AIPL1: variants seen among roughly 807,000 people sequenced by gnomAD.
AIPL1 encodes the protein AIP like 1 HSP90 co-chaperone, also known as aryl-hydrocarbon-interacting protein-like 1.
A neutral mutation model predicts 32.9 loss-of-function variants in AIPL1; 23 were observed. The ratio of observed to expected loss-of-function variants is 0.70; its 90% CI spans 0.50 to 0.99. The LOEUF (loss-of-function observed/expected upper bound fraction) is 0.99, where lower values mean the gene tolerates loss of function less well. Ranked by LOEUF, AIPL1 falls within the 50% of genes least tolerant of loss-of-function variation. The probability of loss-of-function intolerance (pLI) is 0.00; values close to 1 mark genes in which losing one functional copy is unlikely to be tolerated. For missense variants in AIPL1, 485 were observed against 506.0 expected (o/e 0.96, Z 0.40); for synonymous variants, 210 against 209.4 (o/e 1.00, Z -0.02).
Position 6,425,921 on chromosome 17 carries a change from C to G in AIPL1, c.785-91G>C, listed in dbSNP as rs1996153. ...CTGGGACTCACCAGCCTCCAAGACC[C>G]TCAGCCCCGCCATGATCCTTAACCT... is the stretch of plus-strand genomic sequence containing the variant. On this transcript the variant is annotated intron_variant, in intron 5 of 5. Coordinates refer to ENST00000381129, the MANE Select transcript of AIPL1 (RefSeq NM_014336.5). The G allele has an allele frequency of 1.5e-3, 2,205 of 1,495,938 alleles. 33 individuals are homozygous for G. In the African/African-American group the frequency reaches 0.028, roughly 19 times the overall value. The allele number at this position is 1,495,938 out of a possible 1,614,324, so 92.7% of individuals were successfully genotyped here. A position where few individuals can be genotyped will look rare whatever the true frequency, so the allele number is the denominator to read the frequency against.
Position 6,425,367 on chromosome 17 carries a change from A to G in AIPL1, c.*93T>C, listed in dbSNP as rs2150673402. 6 of 1,418,544 alleles carry G rather than the reference A, an allele frequency of 4.2e-6. No individual in the cohort carries two copies. In the South Asian group the frequency reaches 9.5e-5, roughly 22 times the overall value. The allele number at this position is 1,418,544 out of a possible 1,614,324, so 87.9% of individuals were successfully genotyped here. On this transcript the variant is annotated 3_prime_UTR_variant, in exon 6 of 6. Transcript: ENST00000381129. ...CTTTGATTTCAAAAATTAATTTTAA[A>G]TTTTAAAAAGTGACACCACGATCCT...
chr17:6,427,418 G>A (rs1421275616), intron 3 of AIPL1, among the ~76,000 whole-genome samples: 1 of 152,262 alleles, frequency 6.6e-6, no homozygotes, highest in African/African-American at 2.4e-5. Flanking sequence ...GGTGCACCTT[G>A]TGCAGTGCAC....
chr17:6,430,437 C>T (rs961889322), intron 2 of AIPL1, among the ~76,000 whole-genome samples: 2 of 102,974 alleles, frequency 1.9e-5, no homozygotes, highest in African/African-American at 7.7e-5. Flanking sequence ...GCCTGGGCAA[C>T]AAGAGCGAAA....
rs1193746471 is a variant in AIPL1 at position 6,423,887 on chromosome 17, G to A, written c.*1573C>T. On this transcript the variant is annotated 3_prime_UTR_variant, in exon 6 of 6. Transcript: ENST00000381129. ...AGTACATCAGAACTTTAGGGATACA[G>A]TTAGCGCTGGGGGAACCCCTGCTGG... 1 of 152,284 alleles carries A rather than the reference G, an allele frequency of 6.6e-6. No homozygotes were observed. Among genetic ancestry groups the A allele is most frequent in the African/African-American group, 2.4e-5 (1 of 41,470 alleles). 9.4% of individuals were successfully genotyped at this position (152,284 alleles called of 1,614,324 possible).
rs374255033 is a variant in AIPL1, at chr17:6,426,976, C to T, written c.547G>A (p.Gly183Arg). Reference sequence around the variant, plus strand: ...AGCTTGAAGAGCCGATTTCCCTCTCCGTGGAGGACGGGCACCGCCTTCATC... The same window carrying T: ...AGCTTGAAGAGCCGATTTCCCTCTCTGTGGAGGACGGGCACCGCCTTCATC... The part of the protein sequence containing the change: ...EKMKAVPVLH[G>R]EGNRLFKLGR... Residue 183 changes from glycine (G) to arginine (R), a missense_variant, in exon 4 of 6, where the codon GGA becomes AGA. Gly to Arg is a moderately radical substitution (Grantham distance 125). Coordinates refer to ENST00000381129, the MANE Select transcript of AIPL1 (RefSeq NM_014336.5). The T allele has an allele frequency of 2.0e-5, 32 of 1,614,212 alleles. No individual in the cohort carries two copies. Among genetic ancestry groups the T allele is most frequent in the Non-Finnish European group, 2.6e-5 (31 of 1,180,038 alleles).
At chr17:6,428,639 T>A in intron 2 of AIPL1, 133 bp from the exon 3 acceptor site, 1 of 835,594 alleles carries the variant, frequency 1.2e-6, no homozygotes, top group Non-Finnish European at 2.0e-6. Context: ...TAACTGTGGT[T>A]AACTGTGTGC....
rs1329079300 is a variant in AIPL1, at chr17:6,425,660, C to T, written c.955G>A (p.Glu319Lys). 3 of 1,611,060 alleles carry T rather than the reference C, an allele frequency of 1.9e-6. No individual in the cohort carries two copies. The highest frequency in any genetic ancestry group is 2.5e-6 in the Non-Finnish European group (3 of 1,179,956). Residue 319 changes from glutamate to lysine, a missense_variant, in exon 6 of 6, where the codon GAG (glutamate) becomes AAG (lysine). Physicochemically the swap from Glu to Lys is moderately conservative, Grantham distance 56 (BLOSUM62 1). Transcript: ENST00000381129. ...ENRMAEKQEE[E>K]RLRCRNMLSQ... is the part of the protein sequence containing the mutation. ...AGCATGTTCCGGCAGCGCAGCCGCT[C>T]CTCCTCCTGCTTCTCCGCCATGCGG...
At chr17:6,426,513 C>T (rs1597327212) in intron 5 of AIPL1, 102 bp downstream of exon 5, 3 of 1,532,696 alleles carry the variant, frequency 2.0e-6, no homozygotes, top group East Asian at 4.9e-5. Flanking sequence ...AGGTTTGGTG[C>T]CCTGGTGGGG....
Position 6,426,953 on chromosome 17 carries a change from C to A in AIPL1, c.570G>T (p.Lys190Asn), listed in dbSNP as rs199497823. 2.8e-5 allele frequency: 46 copies of A among 1,614,234 alleles called. No homozygotes were observed. In the East Asian group the frequency reaches 1.0e-3, roughly 36 times the overall value. ...AAGAGGCCTCCTCGTAGCGGCCCAG[C>A]TTGAAGAGCCGATTTCCCTCTCCGT... ...VLHGEGNRLF[K>N]LGRYEEASSK... The change falls in exon 4 of 6, where the codon AAG becomes AAT. Residue 190 changes from lysine to asparagine, a missense_variant. Coordinates refer to ENST00000381129, the MANE Select transcript of AIPL1 (RefSeq NM_014336.5).
intron 5 of AIPL1, 52 bp from the exon 6 acceptor site, chr17:6,425,882 C>A: frequency 6.3e-7 from 1 of 1,580,578 alleles, no homozygotes; most frequent in Non-Finnish European, 8.5e-7. Flanking sequence ...GCCTCAGAGG[C>A]AGCCCCAGCC....
At position 6,425,312 on chromosome 17, in the gene AIPL1, T is replaced by G. The variant is rs79118582; in HGVS notation, c.*148A>C. Reference sequence around the variant, plus strand: ...TCTTCTGTACCCTTGGGATTGTTTTTTTTTTTTTTTTTACCATGGGTGTGT... The same window carrying G: ...TCTTCTGTACCCTTGGGATTGTTTTGTTTTTTTTTTTTACCATGGGTGTGT... On this transcript the variant is annotated 3_prime_UTR_variant, in exon 6 of 6. Transcript: ENST00000381129. 361 of 928,998 alleles carry G rather than the reference T, an allele frequency of 3.9e-4. No homozygotes were observed. The African/African-American group carries it at 4.3e-3, about 11-fold the overall frequency. 57.5% of individuals were successfully genotyped at this position (928,998 alleles called of 1,614,324 possible). A position where few individuals can be genotyped will look rare whatever the true frequency, so the allele number is the denominator to read the frequency against.
rs1388321770 is a variant in AIPL1, at chr17:6,423,821, G to A, written c.*1639C>T. 6.6e-6 allele frequency: 1 copy of A among 152,278 alleles called. No individual in the cohort carries two copies. Among genetic ancestry groups the A allele is most frequent in the Non-Finnish European group, 1.5e-5 (1 of 68,056 alleles). 9.4% of individuals were successfully genotyped at this position (152,278 alleles called of 1,614,324 possible). On this transcript the variant is annotated 3_prime_UTR_variant, in exon 6 of 6. Coordinates refer to ENST00000381129, the MANE Select transcript of AIPL1 (RefSeq NM_014336.5). Reference sequence around the variant, plus strand: ...CAGAAGATTTAGTTTTGCTTACAGAGCAGAAGGTAGATGTTAACAACAAGG... The same window carrying A: ...CAGAAGATTTAGTTTTGCTTACAGAACAGAAGGTAGATGTTAACAACAAGG...
chr17:6,433,930 A>G lies in AIPL1; in HGVS notation c.265T>C (p.Cys89Arg), dbSNP rs1264794214. The change falls in exon 2 of 6, where the codon TGC (cysteine) becomes CGC (arginine). Residue 89 changes from cysteine (C) to arginine (R), a missense_variant. Coordinates refer to ENST00000381129, the MANE Select transcript of AIPL1 (RefSeq NM_014336.5). ...MRVHEVAEFW[C>R]DTIHTGVYPI... ...CAGGGCCTACTTACGATGGTGTCGC[A>G]CCAGAACTCGGCCACCTCGTGCACC... is the stretch of plus-strand genomic sequence containing the variant. The G allele has an allele frequency of 1.9e-6, 3 of 1,605,620 alleles. No individual in the cohort carries two copies. The highest frequency in any genetic ancestry group is 2.5e-6 in the Non-Finnish European group (3 of 1,177,390).
chr17:6,430,719 T>C (rs981936715), intron 2 of AIPL1, among the ~76,000 whole-genome samples: 4 of 152,202 alleles, frequency 2.6e-5, no homozygotes. Context: ...AGTGGCAGCC[T>C]TGCCTCACAA....
intron 2 of AIPL1, among the ~76,000 whole-genome samples, chr17:6,430,141 C>T (rs80311670): frequency 0.059 from 8,913 of 150,442 alleles, 631 homozygotes; most frequent in African/African-American, 0.16. Flanking sequence ...AGGAGATGTG[C>T]GGGGCATGGA....
intron 3 of AIPL1, among the ~76,000 whole-genome samples, chr17:6,427,607 C>T (rs929772075): frequency 3.9e-5 from 6 of 152,128 alleles, no homozygotes; most frequent in Non-Finnish European, 5.9e-5. Flanking sequence ...CACGCGCTGC[C>T]AATCACTCTG....
chr17:6,428,031 G>T (rs572526625), intron 3 of AIPL1, among the ~76,000 whole-genome samples: 2 of 152,232 alleles, frequency 1.3e-5, no homozygotes, highest in South Asian at 4.1e-4. Context: ...TGTTGGCCAG[G>T]CTGGTCTCGA....
chr17:6,433,899 G>A lies in AIPL1; in HGVS notation c.276+20C>T. The A allele has an allele frequency of 6.2e-7, 1 of 1,611,716 alleles. No individual in the cohort carries two copies. Among genetic ancestry groups the A allele is most frequent in the Non-Finnish European group, 8.5e-7 (1 of 1,179,238 alleles). ...CAGAAAAGACTAGTCCCAGGAGACA[G>A]GCGCGCAGGGCCTACTTACGATGGT... On this transcript the variant is annotated intron_variant, in intron 2 of 5. Transcript: ENST00000381129.
intron 1 of AIPL1, among the ~76,000 whole-genome samples, chr17:6,434,353 G>GCTTTTTTTT (rs1555547872): frequency 1.1e-5 from 1 of 91,404 alleles, no homozygotes; most frequent in African/African-American, 4.1e-5. Context: ...GTAAGCCCGA[G>GCTTTTTTTT]TTCTTTTTTT....
Sources: gnomAD v4.1 joint callset for allele counts (sites outside exome capture counted in the v4.1 genomes callset) on GRCh38, gnomAD v4.1.1 for gene constraint, MANE v1.5 for transcripts, NCBI Gene and HGNC (gene_info 2026-07-23, HGNC 2026-07-21) for gene names.